FTCD: variants seen among roughly 807,000 people sequenced by gnomAD.
FTCD encodes the protein formimidoyltransferase cyclodeaminase, also known as formimidoyltransferase-cyclodeaminase.
FTCD carries 76 observed loss-of-function variants against 62.9 expected under a neutral mutation model. The ratio of observed to expected loss-of-function variants is 1.21; its 90% CI spans 1.00 to 1.46. The LOEUF (loss-of-function observed/expected upper bound fraction) is 1.46. Among genes scored for constraint, FTCD ranks in the 40% most tolerant of loss-of-function variants. The pLI, the probability that FTCD is intolerant of heterozygous loss-of-function variation, is 0.00. For synonymous variants in FTCD, 397 were observed against 336.9 expected (o/e 1.18, Z -1.95); for missense variants, 845 against 751.3 (o/e 1.12, Z -1.46).
intron 10 of FTCD, among the ~76,000 whole-genome samples, chr21:46,141,024 CTTGT>C (rs891789013): frequency 5.9e-5 from 9 of 152,258 alleles, no homozygotes; most frequent in African/African-American, 1.7e-4. Context: ...AACCACACGT[CTTGT>C]TTCCTTCCTG....
At chr21:46,154,707 G>A (rs1334534837) in intron 1 of FTCD, among the ~76,000 whole-genome samples, 1 of 152,270 alleles carries the variant, frequency 6.6e-6, no homozygotes, top group Non-Finnish European at 1.5e-5. Flanking sequence ...GGGAGGGACA[G>A]ATCACCAGCA....
intron 12 of FTCD, among the ~76,000 whole-genome samples, chr21:46,138,178 A>C (rs1212231837): frequency 6.6e-6 from 1 of 152,154 alleles, no homozygotes; most frequent in African/African-American, 2.4e-5. Context: ...GGCGAGAACC[A>C]TTGTGCCTGG....
Position 46,153,001 on chromosome 21 carries a change from G to A in FTCD, c.273C>T (p.Cys91=), listed in dbSNP as rs768545807. Residue 91 remains cysteine (C), a synonymous_variant, in exon 3 of 14, where the codon TGC becomes TGT. Coordinates refer to ENST00000397746, the MANE Select transcript of FTCD (RefSeq NM_206965.2). The part of the protein sequence containing the change: ...EHPRMGALDV[C]PFIPVRGVSV... ...TGACGCCCCTCACGGGGATGAAGGG[G>A]CAGACGTCTAGGGCCCCCATGCGGG... The A allele has an allele frequency of 9.0e-6, 14 of 1,550,606 alleles. No homozygotes were observed. The highest frequency in any genetic ancestry group is 1.1e-5 in the Non-Finnish European group (13 of 1,147,264).
At chr21:46,137,816 T>G (rs1722779144) in intron 12 of FTCD, among the ~76,000 whole-genome samples, 1 of 148,244 alleles carries the variant, frequency 6.7e-6, no homozygotes, top group Non-Finnish European at 1.5e-5. Flanking sequence ...AGAGAGACGC[T>G]CCTTCTCTGG....
intron 3 of FTCD, chr21:46,152,582 CTGTT>C (rs764988338): frequency 1.5e-4 from 40 of 268,412 alleles, no homozygotes; most frequent in Admixed American, 3.0e-4. Flanking sequence ...CCGTTTGTCT[CTGTT>C]TGTTTCATAT....
intron 10 of FTCD, among the ~76,000 whole-genome samples, chr21:46,140,493 G>A (rs1050423187): frequency 2.1e-5 from 3 of 142,332 alleles, no homozygotes; most frequent in African/African-American, 2.7e-5. Context: ...CGCAGGGAAT[G>A]TAAATCAACC....
At chr21:46,147,955 A>G (rs988001862) in intron 7 of FTCD, among the ~76,000 whole-genome samples, 2 of 151,812 alleles carry the variant, frequency 1.3e-5, no homozygotes, top group African/African-American at 4.8e-5. Flanking sequence ...AAAAAAAAAA[A>G]AAAAAGAAGA....
At position 46,155,570 on chromosome 21, in the gene FTCD, C is replaced by T. The variant is rs201062164; in HGVS notation, c.-47G>A. On this transcript the variant is annotated 5_prime_UTR_variant, in exon 1 of 14. Coordinates refer to ENST00000397746, the MANE Select transcript of FTCD (RefSeq NM_206965.2). Reference sequence around the variant, plus strand: ...GCTCCTCTCTGGGCAGATGGAAGGACAGGGCCAGTGCTCCGCAGCCGCCGC... The same window carrying T: ...GCTCCTCTCTGGGCAGATGGAAGGATAGGGCCAGTGCTCCGCAGCCGCCGC... The T allele has an allele frequency of 9.0e-6, 14 of 1,548,498 alleles. No homozygotes were observed. The highest frequency in any genetic ancestry group is 1.2e-5 in the Non-Finnish European group (13 of 1,121,730).
rs1328053569 is a variant in FTCD, at chr21:46,151,709, A to C, written c.485T>G (p.Phe162Cys). 6.2e-7 allele frequency: 1 copy of C among 1,612,934 alleles called. No individual in the cohort carries two copies. Among genetic ancestry groups the C allele is most frequent in the African/African-American group, 1.3e-5 (1 of 75,064 alleles). ...KLQQADWAPDFGPSSFVPSWG... is the reference protein window; with the variant it reads ...KLQQADWAPDCGPSSFVPSWG... The stretch of plus-strand genomic sequence containing the variant: ...ACTGGGGACAAAGGAGCTGGGACCA[A>C]AGTCGGGCGCCCAGTCGGCCTGCTG... Residue 162 changes from phenylalanine to cysteine, a missense_variant, in exon 5 of 14, where the codon TTT becomes TGT. Physicochemically the swap from Phe to Cys is radical, Grantham distance 205 (BLOSUM62 -2). Transcript: ENST00000397746.
rs1364505718 is a variant in FTCD, at chr21:46,151,878, CGG to C, written c.456+12_456+13del. 1 of 1,555,296 alleles carries C rather than the reference CGG, an allele frequency of 6.4e-7. No homozygotes were observed. The highest frequency in any genetic ancestry group is 8.7e-7 in the Non-Finnish European group (1 of 1,149,048). On this transcript the variant is annotated intron_variant, in intron 4 of 13. Coordinates refer to ENST00000397746, the MANE Select transcript of FTCD (RefSeq NM_206965.2). ...CACCTCCTTCCCAGGCCCGACCGCC[CGG>C]GGTGGGGGCACCTTCTTAGGGAGGG...
chr21:46,151,784 A>G (rs2123566034), intron 4 of FTCD, 47 bp from the exon 5 acceptor site: 11 of 1,605,748 alleles, frequency 6.9e-6, no homozygotes, highest in Non-Finnish European at 8.5e-6. Context: ...ACGGGAGGGA[A>G]CAGCCCCCCG....
chr21:46,139,328 G>A (rs572038596), intron 10 of FTCD, among the ~76,000 whole-genome samples: 5 of 152,290 alleles, frequency 3.3e-5, no homozygotes, highest in South Asian at 4.1e-4. Context: ...TGTGCAGAAG[G>A]ACCAAGAGCA....
chr21:46,151,550 G>A lies in FTCD; in HGVS notation c.636+8C>T, dbSNP rs771977984. ...GTGGGGCTCCATGGGGTCAGTGAAC[G>A]GGGTCACCTGGTCCTTCCCGCGGCC... On this transcript the variant is annotated splice_region_variant and intron_variant, in intron 5 of 13. Transcript: ENST00000397746. 5.5e-5 allele frequency: 88 copies of A among 1,610,524 alleles called. No homozygotes were observed. The highest frequency in any genetic ancestry group is 6.4e-5 in the Non-Finnish European group (75 of 1,178,262).
At position 46,150,265 on chromosome 21, in the gene FTCD, G is replaced by T; in HGVS notation, c.775-15C>A. 1 of 1,608,994 alleles carries T rather than the reference G, an allele frequency of 6.2e-7. No individual in the cohort carries two copies. Among genetic ancestry groups the T allele is most frequent in the Middle Eastern group, 1.7e-4 (1 of 6,048 alleles). Reference sequence around the variant, plus strand: ...AGGCTCAGCTCCTGCCAAGGCACAGGCAGCGTCACCCCCTGGGGGCTGGCT... The same window carrying T: ...AGGCTCAGCTCCTGCCAAGGCACAGTCAGCGTCACCCCCTGGGGGCTGGCT... On this transcript the variant is annotated splice_polypyrimidine_tract_variant and intron_variant, in intron 6 of 13. Transcript: ENST00000397746.
At chr21:46,138,021 C>T (rs1055708814) in intron 12 of FTCD, among the ~76,000 whole-genome samples, 5 of 152,202 alleles carry the variant, frequency 3.3e-5, no homozygotes, top group Admixed American at 2.0e-4. Flanking sequence ...CTCAGCCTCC[C>T]AAGTAGCTGG....
chr21:46,150,766 C>T (rs2079251601), intron 5 of FTCD, among the ~76,000 whole-genome samples: 1 of 152,250 alleles, frequency 6.6e-6, no homozygotes, highest in Admixed American at 6.5e-5. Flanking sequence ...CAGGCCCCCG[C>T]CCAGCCTAGG....
At chr21:46,144,715 C>T (rs1350903062) in intron 10 of FTCD, among the ~76,000 whole-genome samples, 1 of 85,506 alleles carries the variant, frequency 1.2e-5, no homozygotes, top group Non-Finnish European at 2.3e-5. Context: ...CCCCACTCTC[C>T]CTCTCTTCTC....
downstream of FTCD, chr21:46,136,631 T>G: frequency 6.7e-7 from 1 of 1,490,528 alleles, no homozygotes; most frequent in Non-Finnish European, 8.9e-7. Context: ...CTGGGGACCC[T>G]GGCGCTGAGG....
chr21:46,153,625 G>A (rs1319907082), intron 2 of FTCD, among the ~76,000 whole-genome samples: 1 of 152,230 alleles, frequency 6.6e-6, no homozygotes. Context: ...TTAGAGATAA[G>A]CTTCTCATCC....
Sources: allele counts gnomAD v4.1 joint callset (sites outside exome capture counted in the v4.1 genomes callset), GRCh38; gene constraint gnomAD v4.1.1; transcripts MANE v1.5; gene names NCBI Gene and HGNC (gene_info 2026-07-23, HGNC 2026-07-21).